The following SPATA13 variants were observed in gnomAD, a reference collection of about 807,000 sequenced individuals.
SPATA13 encodes the protein spermatogenesis associated 13.
A neutral mutation model predicts 104.0 loss-of-function variants in SPATA13; 50 were observed. The ratio of observed to expected loss-of-function variants is 0.48; its 90% CI spans 0.38 to 0.61. The LOEUF is 0.61. Among genes scored for constraint, SPATA13 ranks in the 20% least tolerant of loss-of-function variants. The pLI is 0.00. For synonymous variants in SPATA13, 606 were observed against 667.5 expected, an observed-to-expected ratio of 0.91 and a Z score of 1.42; for missense variants, 1,524 against 1,690.6, an observed-to-expected ratio of 0.90 and a Z score of 1.73.
intron 3 of SPATA13, among the ~76,000 whole-genome samples, chr13:24,147,815 C>T (rs4769327): frequency 6.6e-6 from 1 of 151,928 alleles, no homozygotes; most frequent in African/African-American, 2.4e-5. Context: ...TGAGCTTGAC[C>T]GCTCTAGATA....
intron 4 of SPATA13, 36 bp downstream of exon 4, chr13:24,251,898 A>G (rs930696552): frequency 7.5e-6 from 12 of 1,597,594 alleles, no homozygotes; most frequent in Admixed American, 1.7e-5. Flanking sequence ...CAGAGCTGCT[A>G]TGGGCCCATC....
rs188725343 is a variant in SPATA13 at position 24,229,823 on chromosome 13, T to C, written c.1653+5241T>C. 1.3e-3 allele frequency among the ~76,000 whole-genome samples: 198 copies of C among 152,336 alleles called. 2 individuals carry two copies. The highest frequency in any genetic ancestry group is 4.6e-3 in the African/African-American group (191 of 41,574). ...ATACAAGAGACCAGTTAGGTATGAC[T>C]CTATAGGGAATGTGGTGATGCCAAT... On this transcript the variant is annotated intron_variant, in intron 2 of 12. Transcript: ENST00000382108.
At chr13:24,105,999 G>T (rs146629560) in intron 3 of SPATA13, among the ~76,000 whole-genome samples, 2 of 152,160 alleles carry the variant, frequency 1.3e-5, no homozygotes, top group Non-Finnish European at 2.9e-5. Context: ...CGTTTCTGTC[G>T]TTTAAGCTAC....
intron 3 of SPATA13, among the ~76,000 whole-genome samples, chr13:24,038,327 C>T (rs568222325): frequency 2.0e-5 from 3 of 150,932 alleles, no homozygotes; most frequent in East Asian, 2.0e-4. Flanking sequence ...AATCCTTCCT[C>T]GATTGTGCCA....
chr13:24,117,968 G>C (rs1448641867), intron 3 of SPATA13, among the ~76,000 whole-genome samples: 2 of 152,080 alleles, frequency 1.3e-5, no homozygotes, highest in Non-Finnish European at 2.9e-5. Context: ...CAAAAAAAAT[G>C]GCATTAGAAA....
chr13:24,010,484 A>G (rs1159273543), intron 2 of SPATA13, among the ~76,000 whole-genome samples: 1 of 137,318 alleles, frequency 7.3e-6, no homozygotes, highest in African/African-American at 2.8e-5. Context: ...TCATCTTTGT[A>G]GCTACGTTAT....
intron 4 of SPATA13, among the ~76,000 whole-genome samples, chr13:24,262,980 G>T (rs191208411): frequency 6.6e-6 from 1 of 151,942 alleles, no homozygotes; most frequent in Non-Finnish European, 1.5e-5. Flanking sequence ...AACTTGACTG[G>T]GTCTTTTTTA....
At chr13:24,255,248 G>T (rs1873728283) in intron 4 of SPATA13, among the ~76,000 whole-genome samples, 2 of 152,158 alleles carry the variant, frequency 1.3e-5, no homozygotes, top group Non-Finnish European at 2.9e-5. Context: ...AAGCTAGGAA[G>T]AAGACTTGTA....
intron 1 of SPATA13, among the ~76,000 whole-genome samples, chr13:24,189,307 T>A (rs1383945206): frequency 6.6e-6 from 1 of 151,766 alleles, no homozygotes; most frequent in Admixed American, 6.6e-5. Context: ...CCGTCTCTAC[T>A]AGAAATACTA....
intron 3 of SPATA13, among the ~76,000 whole-genome samples, chr13:24,067,639 C>A (rs1433800000): frequency 6.6e-6 from 1 of 152,160 alleles, no homozygotes; most frequent in Non-Finnish European, 1.5e-5. Context: ...TATGCTGTGT[C>A]ACCTCAGGAA....
rs112928625 is a variant in SPATA13 at position 24,214,666 on chromosome 13, G to C, written c.-111-8153G>C. 9.9e-4 allele frequency among the ~76,000 whole-genome samples: 151 copies of C among 152,270 alleles called. 2 individuals are homozygous for C. The Middle Eastern group carries it at 0.017, about 17-fold the overall frequency. On this transcript the variant is annotated intron_variant, in intron 1 of 12. Transcript: ENST00000382108. ...GTCTTGCTGAGAGGGATGCTCCCTGGTGTTGTCCAGTCATCACTGGGTTCC... is the reference window on the plus strand; with the variant it reads ...GTCTTGCTGAGAGGGATGCTCCCTGCTGTTGTCCAGTCATCACTGGGTTCC...
At chr13:24,096,166 C>G (rs1566101541) in intron 3 of SPATA13, among the ~76,000 whole-genome samples, 1 of 152,138 alleles carries the variant, frequency 6.6e-6, no homozygotes, top group Non-Finnish European at 1.5e-5. Context: ...CTGACTTGTT[C>G]TGGAGCTAAA....
At chr13:24,277,248 T>C (rs370812853) in intron 4 of SPATA13, among the ~76,000 whole-genome samples, 86 of 151,874 alleles carry the variant, frequency 5.7e-4, no homozygotes, top group African/African-American at 2.0e-3. Context: ...ATCGAGACCA[T>C]CCTGGCTAAC....
intron 3 of SPATA13, among the ~76,000 whole-genome samples, chr13:24,067,227 C>G (rs1478974070): frequency 6.6e-6 from 1 of 152,198 alleles, no homozygotes; most frequent in Admixed American, 6.5e-5. Flanking sequence ...CTGATTGGAA[C>G]TCCACTCAGT....
At position 24,224,163 on chromosome 13, in the gene SPATA13, C is replaced by T; in HGVS notation, c.1234C>T (p.Leu412Phe). Residue 412 changes from leucine (L) to phenylalanine (F), a missense_variant, in exon 2 of 13, where the codon CTT becomes TTT. Around this residue, in one of 2 missense-constraint regions of SPATA13, gnomAD observed 1,089 missense variants for 1,135.9 expected, o/e 0.96. Coordinates refer to ENST00000382108, the MANE Select transcript of SPATA13 (RefSeq NM_001166271.3). ...AGACGCTGACACTGCCGTATTTCCT[C>T]TTGAAACCAAAAGTTCCTGGGCGGT... ...HLDADTAVFPLETKSSWAVES... is the reference protein window; with the variant it reads ...HLDADTAVFPFETKSSWAVES... The T allele has an allele frequency of 1.5e-5, 23 of 1,551,792 alleles. No homozygotes were observed. The highest frequency in any genetic ancestry group is 2.0e-5 in the Non-Finnish European group (23 of 1,147,014).
In SPATA13 at chr13:24,265,370, T is replaced by G. The variant is rs189856209; in HGVS notation, c.2164+13508T>G. On this transcript the variant is annotated intron_variant, in intron 4 of 12. Coordinates refer to ENST00000382108, the MANE Select transcript of SPATA13 (RefSeq NM_001166271.3). ...AAGTAGCATCACTGTGACCTGTAGATTAATAATCATGTTTGTCTTTAATCC... is the reference window on the plus strand; with the variant it reads ...AAGTAGCATCACTGTGACCTGTAGAGTAATAATCATGTTTGTCTTTAATCC... Among the ~76,000 whole-genome samples, 126 of 152,346 alleles carry G rather than the reference T, an allele frequency of 8.3e-4. 2 individuals are homozygous for G. The highest frequency in any genetic ancestry group is 3.8e-3 in the Admixed American group (58 of 15,308).
At chr13:24,249,870 C>A in intron 3 of SPATA13, 28 bp downstream of exon 3, 2 of 1,548,892 alleles carry the variant, frequency 1.3e-6, no homozygotes, top group Admixed American at 2.0e-5. Flanking sequence ...CTTCCCCAAG[C>A]CAGCAGAGGC....
chr13:24,169,903 A>G (rs9553205), intron 1 of SPATA13, among the ~76,000 whole-genome samples: 37,123 of 152,160 alleles, frequency 0.24, 5,434 homozygotes, highest in Non-Finnish European at 0.33. Context: ...CTTCTGTGCC[A>G]TGAACACCTG....
intron 4 of SPATA13, among the ~76,000 whole-genome samples, chr13:24,277,347 G>A (rs985391384): frequency 2.0e-5 from 3 of 151,558 alleles, no homozygotes; most frequent in Non-Finnish European, 4.4e-5. Flanking sequence ...GGGAGGCTGA[G>A]GCAGGAGAAT....
Sources: gnomAD v4.1 joint callset for allele counts (sites outside exome capture counted in the v4.1 genomes callset) on GRCh38, gnomAD v4.1.1 for gene constraint, gnomAD v4.1.1 regional missense constraint, MANE v1.5 for transcripts, NCBI Gene and HGNC (gene_info 2026-07-23, HGNC 2026-07-21) for gene names.